The following SGCD variants were observed in gnomAD, a reference collection of about 807,000 sequenced individuals.
SGCD encodes delta-sarcoglycan.
A neutral mutation model predicts 36.6 loss-of-function variants in SGCD; 18 were observed. The observed-to-expected ratio is 0.49, with a 90% CI of 0.34 to 0.73. SGCD has a LOEUF of 0.73. Among genes scored for constraint, SGCD ranks in the 30% least tolerant of loss-of-function variants. The pLI, the probability that SGCD is intolerant of heterozygous loss-of-function variation, is 0.01. For synonymous variants in SGCD, 133 were observed against 130.6 expected, an observed-to-expected ratio of 1.02 and a Z score of -0.12; for missense variants, 387 against 346.7, an observed-to-expected ratio of 1.12 and a Z score of -0.92.
At chr5:156,219,509 T>G (rs751642699) in intron 3 of SGCD, among the ~76,000 whole-genome samples, 7 of 152,146 alleles carry the variant, frequency 4.6e-5, no homozygotes, top group Non-Finnish European at 7.4e-5. Context: ...ATCTGATATT[T>G]TTGCACATAC....
At chr5:156,575,126 G>A (rs563653655) in intron 4 of SGCD, among the ~76,000 whole-genome samples, 1 of 152,296 alleles carries the variant, frequency 6.6e-6, no homozygotes, top group South Asian at 2.1e-4. Flanking sequence ...AGAGTGGGGT[G>A]GAACAGTCTT....
intron 1 of SGCD, among the ~76,000 whole-genome samples, chr5:156,044,553 G>A (rs996282602): frequency 6.6e-6 from 1 of 152,150 alleles, no homozygotes. Context: ...GTATCTGTTA[G>A]TAGCTCTCCC....
At chr5:156,745,441 G>A (rs1451848715) in intron 7 of SGCD, among the ~76,000 whole-genome samples, 1 of 152,196 alleles carries the variant, frequency 6.6e-6, no homozygotes, top group Non-Finnish European at 1.5e-5. Flanking sequence ...ACCAGTGAGT[G>A]ATGGAAACAA....
intron 3 of SGCD, among the ~76,000 whole-genome samples, chr5:156,421,059 C>A (rs1215188950): frequency 2.0e-5 from 3 of 150,938 alleles, no homozygotes; most frequent in African/African-American, 4.9e-5. Context: ...TTTAGCAGAG[C>A]CTGAAAATAA....
intron 4 of SGCD, among the ~76,000 whole-genome samples, chr5:156,525,805 C>A (rs759980659): frequency 2.6e-5 from 4 of 151,986 alleles, no homozygotes; most frequent in Non-Finnish European, 5.9e-5. Context: ...ATGTGGCTAT[C>A]CTGTTTTCTC....
At chr5:156,722,969 G>A (rs1755585496) in intron 7 of SGCD, among the ~76,000 whole-genome samples, 1 of 152,104 alleles carries the variant, frequency 6.6e-6, no homozygotes, top group African/African-American at 2.4e-5. Context: ...TTCATTTAGG[G>A]TAAAAGCTTT....
At chr5:156,044,539 C>G (rs1759716321) in intron 1 of SGCD, among the ~76,000 whole-genome samples, 1 of 152,108 alleles carries the variant, frequency 6.6e-6, no homozygotes, top group Non-Finnish European at 1.5e-5. Flanking sequence ...TTTAATCAGG[C>G]AGAGTATCTG....
intron 1 of SGCD, among the ~76,000 whole-genome samples, chr5:156,099,154 G>C (rs1357807891): frequency 6.6e-6 from 1 of 152,190 alleles, no homozygotes; most frequent in African/African-American, 2.4e-5. Flanking sequence ...CTCCCAACCT[G>C]GGATCCTAAG....
At chr5:156,158,060 T>G (rs35606822) in intron 3 of SGCD, among the ~76,000 whole-genome samples, 1 of 131,340 alleles carries the variant, frequency 7.6e-6, no homozygotes, top group African/African-American at 3.5e-5. Context: ...GGTTTTTTGC[T>G]TTTTTTTTTT....
chr5:155,731,038 A>G, the SGCD span, among the ~76,000 whole-genome samples: 1 of 152,170 alleles, frequency 6.6e-6, no homozygotes, highest in African/African-American at 2.4e-5. Context: ...GAGAATGGGC[A>G]GGGAGATATT....
chr5:156,488,426 T>C (rs1234651490), intron 3 of SGCD, among the ~76,000 whole-genome samples: 2 of 152,022 alleles, frequency 1.3e-5, no homozygotes, highest in Non-Finnish European at 2.9e-5. Context: ...AAGTCACATA[T>C]GAGGGAATTC....
At chr5:156,121,192 A>G (rs1762031272) in intron 2 of SGCD, among the ~76,000 whole-genome samples, 1 of 152,142 alleles carries the variant, frequency 6.6e-6, no homozygotes, top group East Asian at 1.9e-4. Flanking sequence ...ATGAAGGTAG[A>G]TACATTTATG....
chr5:156,250,575 A>G (rs1395145915), intron 3 of SGCD, among the ~76,000 whole-genome samples: 1 of 152,166 alleles, frequency 6.6e-6, no homozygotes, highest in Non-Finnish European at 1.5e-5. Context: ...TTTGGGGATA[A>G]AAAGATAAAG....
intron 7 of SGCD, among the ~76,000 whole-genome samples, chr5:156,747,605 C>T (rs1279340630): frequency 1.3e-5 from 2 of 152,150 alleles, no homozygotes; most frequent in Non-Finnish European, 2.9e-5. Context: ...GGGCAGCTAT[C>T]AACATGGTAG....
rs556296196 is a variant in SGCD, at chr5:156,767,770, A to C, written c.*8380A>C. On this transcript the variant is annotated 3_prime_UTR_variant, in exon 9 of 9. Coordinates refer to ENST00000337851, the MANE Select transcript of SGCD (RefSeq NM_000337.6). The stretch of plus-strand genomic sequence containing the variant: ...CTTGTAAAATATATTAATAAAAATA[A>C]TGATTGGTAAGAAGGAAAGCACCCT... The C allele has an allele frequency of 2.0e-5, 3 of 152,350 alleles. No homozygotes were observed. In the East Asian group the frequency reaches 5.8e-4, roughly 29 times the overall value. 9.4% of individuals were successfully genotyped at this position (152,350 alleles called of 1,614,324 possible). A position where few individuals can be genotyped will look rare whatever the true frequency, so the allele number is the denominator to read the frequency against.
intron 1 of SGCD, among the ~76,000 whole-genome samples, chr5:156,045,623 A>C (rs539417337): frequency 6.6e-6 from 1 of 152,266 alleles, no homozygotes; most frequent in Non-Finnish European, 1.5e-5. Flanking sequence ...GATGTTCTAG[A>C]TCCAACTAAA....
chr5:156,113,759 A>G (rs1359775289), intron 1 of SGCD, among the ~76,000 whole-genome samples: 2 of 152,210 alleles, frequency 1.3e-5, no homozygotes, highest in African/African-American at 4.8e-5. Context: ...GGAAGGAGCC[A>G]GCATGTCCTT....
At chr5:156,529,621 A>G (rs1310351999) in intron 4 of SGCD, among the ~76,000 whole-genome samples, 2 of 152,230 alleles carry the variant, frequency 1.3e-5, no homozygotes, top group African/African-American at 4.8e-5. Context: ...TGTCATTGCT[A>G]TGGATATGTT....
chr5:156,386,157 G>C (rs1262496995), intron 3 of SGCD, among the ~76,000 whole-genome samples: 2 of 152,110 alleles, frequency 1.3e-5, no homozygotes, highest in African/African-American at 4.8e-5. Flanking sequence ...TGTTTTTGAA[G>C]CACTGAAGTC....
Sources: gnomAD v4.1 joint callset for allele counts (sites outside exome capture counted in the v4.1 genomes callset) on GRCh38, gnomAD v4.1.1 for gene constraint, MANE v1.5 for transcripts, NCBI Gene and HGNC (gene_info 2026-07-23, HGNC 2026-07-21) for gene names.